Variants in ATXN1 observed in about 807,000 individuals in gnomAD.
ATXN1 encodes ataxin 1, also known as ataxin-1.
ATXN1 carries 8 observed loss-of-function variants against 56.4 expected under a neutral mutation model. That is an observed-to-expected ratio of 0.14 (90% CI 0.08 to 0.26). The LOEUF is 0.26. ATXN1 is among the 10% of genes least tolerant of loss of function. The pLI, the probability that ATXN1 is intolerant of heterozygous loss-of-function variation, is 1.00. For missense variants in ATXN1, 987 were observed against 1,106.5 expected (o/e 0.89, Z 1.53); for synonymous variants, 514 against 494.6 (o/e 1.04, Z -0.52).
At chr6:16,405,874 G>A (rs1231009669) in intron 6 of ATXN1, among the ~76,000 whole-genome samples, 1 of 152,106 alleles carries the variant, frequency 6.6e-6, no homozygotes, top group Non-Finnish European at 1.5e-5. Flanking sequence ...GTCGGGAAAT[G>A]GAAAGAGGTG....
Position 16,302,505 on chromosome 6 carries a change from G to A in ATXN1, c.*3824C>T, listed in dbSNP as rs949764211. 3.3e-5 allele frequency: 5 copies of A among 152,598 alleles called. No homozygotes were observed. The highest frequency in any genetic ancestry group is 5.9e-5 in the Non-Finnish European group (4 of 68,034). The allele number at this position is 152,598 out of a possible 1,614,324, so 9.5% of individuals were successfully genotyped here. On this transcript the variant is annotated 3_prime_UTR_variant, in exon 8 of 8. Transcript: ENST00000436367. ...TGGATTTCCACTTTAAAAGATCTGA[G>A]GTAAGTGGCATCCATCTCTGTATCC...
At chr6:16,461,854 A>G (rs931199115) in intron 6 of ATXN1, among the ~76,000 whole-genome samples, 5 of 152,170 alleles carry the variant, frequency 3.3e-5, no homozygotes, top group Non-Finnish European at 7.4e-5. Flanking sequence ...AGAGGCACTT[A>G]AGGAAACGAA....
intron 2 of ATXN1, among the ~76,000 whole-genome samples, chr6:16,714,667 T>C (rs188959290): frequency 6.6e-6 from 1 of 152,316 alleles, no homozygotes; most frequent in East Asian, 1.9e-4. Flanking sequence ...CTTGTATACA[T>C]TCCTTTGAAA....
intron 4 of ATXN1, among the ~76,000 whole-genome samples, chr6:16,572,662 C>T (rs2237176): frequency 0.46 from 69,926 of 151,950 alleles, 18,721 homozygotes; most frequent in East Asian, 0.73. Flanking sequence ...GACACAAGCC[C>T]AAGAGAAAAC....
rs140370240 is a variant in ATXN1 at position 16,327,738 on chromosome 6, C to A, written c.573G>T (p.Pro191=). 6.2e-7 allele frequency: 1 copy of A among 1,607,586 alleles called. No homozygotes were observed. The highest frequency in any genetic ancestry group is 1.3e-5 in the African/African-American group (1 of 74,754). The change falls in exon 7 of 8, where the codon CCG becomes CCT. Residue 191 remains proline (P), a synonymous_variant. Transcript: ENST00000436367. ...LANMGSLSQT[P]GHKAEQQQQQ... is the part of the protein sequence containing the mutation. ...GCTGCTGCTGCTCAGCCTTGTGTCC[C>A]GGCGTCTGGCTCAGACTGCCCATGT...
At chr6:16,373,358 A>G (rs1339441438) in intron 6 of ATXN1, among the ~76,000 whole-genome samples, 1 of 152,172 alleles carries the variant, frequency 6.6e-6, no homozygotes, top group East Asian at 1.9e-4. Context: ...GGGCATATTA[A>G]TGTGTATGGT....
At chr6:16,441,978 T>G (rs766442782) in intron 6 of ATXN1, among the ~76,000 whole-genome samples, 1 of 152,150 alleles carries the variant, frequency 6.6e-6, no homozygotes, top group Non-Finnish European at 1.5e-5. Context: ...GAAGCACAAA[T>G]TCTAGAAGTA....
intron 1 of ATXN1, among the ~76,000 whole-genome samples, chr6:16,755,537 A>C (rs6924861): frequency 0.01 from 1,574 of 152,058 alleles, 26 homozygotes; most frequent in African/African-American, 0.036. Flanking sequence ...ATAATGTGAG[A>C]AAGGGGAACA....
chr6:16,701,050 G>A (rs953279171), intron 2 of ATXN1, among the ~76,000 whole-genome samples: 6 of 152,008 alleles, frequency 3.9e-5, no homozygotes, highest in Non-Finnish European at 8.8e-5. Context: ...AGGTTTGGGA[G>A]GGGATGTTGG....
rs982268698 is a variant in ATXN1 at position 16,542,832 on chromosome 6, T to G, written c.-360-20144A>C. Reference sequence around the variant, plus strand: ...TTATAAATAAGTCACAGTAAGAGATTAACAACAAAAACTAATAATAAAATA... The same window carrying G: ...TTATAAATAAGTCACAGTAAGAGATGAACAACAAAAACTAATAATAAAATA... On this transcript the variant is annotated intron_variant, in intron 4 of 7. Coordinates refer to ENST00000436367, the MANE Select transcript of ATXN1 (RefSeq NM_001128164.2). Among the ~76,000 whole-genome samples, 5 of 152,146 alleles carry G rather than the reference T, an allele frequency of 3.3e-5. 1 individual carries two copies. The highest frequency in any genetic ancestry group is 3.9e-4 in the East Asian group (2 of 5,186).
intron 7 of ATXN1, among the ~76,000 whole-genome samples, chr6:16,319,544 C>T (rs1292831656): frequency 2.0e-5 from 3 of 152,256 alleles, no homozygotes; most frequent in South Asian, 4.1e-4. Context: ...ATAAATTCAT[C>T]AAAAACAGCA....
At chr6:16,347,941 A>AT (rs1234119864) in intron 6 of ATXN1, among the ~76,000 whole-genome samples, 1 of 152,206 alleles carries the variant, frequency 6.6e-6, no homozygotes, top group African/African-American at 2.4e-5. Context: ...TACTGCCTGT[A>AT]TGAGCTATAA....
chr6:16,542,226 T>C (rs1761728753), intron 4 of ATXN1, among the ~76,000 whole-genome samples: 1 of 152,132 alleles, frequency 6.6e-6, no homozygotes, highest in Non-Finnish European at 1.5e-5. Flanking sequence ...TCCAATGGGT[T>C]CTCTGCACAG....
At chr6:16,711,050 T>G (rs532844616) in intron 2 of ATXN1, among the ~76,000 whole-genome samples, 1 of 152,192 alleles carries the variant, frequency 6.6e-6, no homozygotes, top group Non-Finnish European at 1.5e-5. Context: ...GCCCAGCCCA[T>G]GACAGTATTT....
In ATXN1 at chr6:16,339,164, C is replaced by A. The variant is rs530647782; in HGVS notation, c.-160-10694G>T. ...ACACACACTCACGAGCTTCACCACA[C>A]AACACGATGCAAAGCGCCAGCAACT... is the stretch of plus-strand genomic sequence containing the variant. On this transcript the variant is annotated intron_variant, in intron 6 of 7. Coordinates refer to ENST00000436367, the MANE Select transcript of ATXN1 (RefSeq NM_001128164.2). Among the ~76,000 whole-genome samples the A allele has an allele frequency of 1.3e-4, 20 of 152,330 alleles. No individual in the cohort carries two copies. In the South Asian group the frequency reaches 4.1e-3, roughly 32 times the overall value.
chr6:16,686,240 T>C (rs553100950), intron 2 of ATXN1, among the ~76,000 whole-genome samples: 1 of 152,326 alleles, frequency 6.6e-6, no homozygotes, highest in African/African-American at 2.4e-5. Context: ...GAGTCTTAAA[T>C]TTTAAAACCA....
chr6:16,596,284 C>A (rs73728024), intron 3 of ATXN1, among the ~76,000 whole-genome samples: 3 of 152,122 alleles, frequency 2.0e-5, no homozygotes, highest in Non-Finnish European at 4.4e-5. Context: ...GTGTGGCCAC[C>A]GTGCCCAGCC....
chr6:16,661,265 T>G (rs888800473), intron 2 of ATXN1, among the ~76,000 whole-genome samples: 1 of 152,110 alleles, frequency 6.6e-6, no homozygotes, highest in Non-Finnish European at 1.5e-5. Context: ...AACATGTGTT[T>G]ATACAAATAT....
intron 6 of ATXN1, among the ~76,000 whole-genome samples, chr6:16,476,039 T>A (rs1187774260): frequency 6.6e-6 from 1 of 152,006 alleles, no homozygotes; most frequent in Non-Finnish European, 1.5e-5. Flanking sequence ...CCAGCTAATT[T>A]TATATATATT....
Sources: allele counts gnomAD v4.1 joint callset (sites outside exome capture counted in the v4.1 genomes callset), GRCh38; gene constraint gnomAD v4.1.1; transcripts MANE v1.5; gene names NCBI Gene and HGNC (gene_info 2026-07-23, HGNC 2026-07-21).